The following KIAA1549 variants were observed in gnomAD, a reference collection of about 807,000 sequenced individuals.
KIAA1549 encodes UPF0606 protein KIAA1549.
Under a neutral mutation model 156.4 loss-of-function variants are expected in KIAA1549, and 70 were observed. The observed-to-expected ratio is 0.45, with a 90% CI of 0.37 to 0.55. KIAA1549 has a LOEUF of 0.55. Ranked by LOEUF, KIAA1549 falls within the 20% of genes least tolerant of loss-of-function variation. The probability of loss-of-function intolerance (pLI) is 0.00; values close to 1 mark genes in which losing one functional copy is unlikely to be tolerated. For missense variants in KIAA1549, 2,428 were observed against 2,540.9 expected, an observed-to-expected ratio of 0.96 and a Z score of 0.96; for synonymous variants, 1,103 against 1,066.4, an observed-to-expected ratio of 1.03 and a Z score of -0.67.
At chr7:138,891,111 T>A (rs901375154) in intron 10 of KIAA1549, among the ~76,000 whole-genome samples, 2 of 152,244 alleles carry the variant, frequency 1.3e-5, no homozygotes, top group Admixed American at 6.5e-5. Flanking sequence ...CCTGGATGTC[T>A]GCTTTCGGAT....
chr7:138,839,930 A>G (rs571884422), intron 19 of KIAA1549, among the ~76,000 whole-genome samples: 3 of 151,326 alleles, frequency 2.0e-5, no homozygotes, highest in East Asian at 2.0e-4. Context: ...TGGGACTACC[A>G]GCACCCGTCA....
At chr7:138,846,013 A>G (rs1304944651) in intron 17 of KIAA1549, among the ~76,000 whole-genome samples, 1 of 152,182 alleles carries the variant, frequency 6.6e-6, no homozygotes. Flanking sequence ...TCAAAATTCC[A>G]TATTCCACAG....
At chr7:138,852,170 T>A in intron 17 of KIAA1549, 53 bp downstream of exon 17, 1 of 1,347,586 alleles carries the variant, frequency 7.4e-7, no homozygotes, top group Non-Finnish European at 1.1e-6. Flanking sequence ...ATAAAGTTTT[T>A]AAAAACAGCC....
intron 12 of KIAA1549, among the ~76,000 whole-genome samples, chr7:138,878,874 C>T (rs1811165067): frequency 6.6e-6 from 1 of 151,994 alleles, no homozygotes; most frequent in African/African-American, 2.4e-5. Context: ...TGCAGTAGCA[C>T]ATCTATTTAA....
chr7:138,836,829 C>T lies in KIAA1549; in HGVS notation c.*1077G>A, dbSNP rs544438529. On this transcript the variant is annotated 3_prime_UTR_variant, in exon 20 of 20. Transcript: ENST00000422774. Reference sequence around the variant, plus strand: ...CATTACAGAGAGGCTGAACTGAACTCAATTTCATTTCCAGGCTCTGAACAC... The same window carrying T: ...CATTACAGAGAGGCTGAACTGAACTTAATTTCATTTCCAGGCTCTGAACAC... 8.9e-6 allele frequency: 2 copies of T among 225,478 alleles called. No individual in the cohort carries two copies. The highest frequency in any genetic ancestry group is 3.7e-4 in the South Asian group (2 of 5,468). The allele number at this position is 225,478 out of a possible 1,614,324, so 14.0% of individuals were successfully genotyped here.
chr7:138,861,060 G>A lies in KIAA1549; in HGVS notation c.5247+79C>T, dbSNP rs73729930. The A allele has an allele frequency of 3.6e-4, 517 of 1,427,312 alleles. 4 individuals carry two copies. In the African/African-American group the frequency reaches 6.3e-3, roughly 17 times the overall value. 88.4% of individuals were successfully genotyped at this position (1,427,312 alleles called of 1,614,324 possible). On this transcript the variant is annotated intron_variant, in intron 16 of 19. Coordinates refer to ENST00000422774, the MANE Select transcript of KIAA1549 (RefSeq NM_001164665.2). Reference sequence around the variant, plus strand: ...ATCAAATGCAACCACGGTTTTGTGCGGAGCCTGAAAGTCAGGCAGTCAGGC... The same window carrying A: ...ATCAAATGCAACCACGGTTTTGTGCAGAGCCTGAAAGTCAGGCAGTCAGGC...
At chr7:138,939,424 TCCC>T (rs1259570247) in intron 1 of KIAA1549, among the ~76,000 whole-genome samples, 1 of 152,142 alleles carries the variant, frequency 6.6e-6, no homozygotes, top group East Asian at 1.9e-4. Flanking sequence ...CCTCTTTTTT[TCCC>T]CCTTTTTAAA....
In KIAA1549 at chr7:138,861,356, T is replaced by TGGGGTGGGATGTACTGGG. The variant is rs780041594; in HGVS notation, c.5012_5029dup (p.Pro1676_Gln1677insProGlnTyrIleProPro). On this transcript the variant is annotated inframe_insertion, in exon 16 of 20. Transcript: ENST00000422774. ...CTGGCGTGCCTCCTCGATGGACGGC[T>TGGGGTGGGATGTACTGGG]GGGGTGGGATGTACTGGGAGGCCGG... 4.3e-6 allele frequency: 7 copies of TGGGGTGGGATGTACTGGG among 1,609,508 alleles called. No individual in the cohort carries two copies. Among genetic ancestry groups the TGGGGTGGGATGTACTGGG allele is most frequent in the Non-Finnish European group, 5.9e-6 (7 of 1,178,636 alleles).
At chr7:138,949,792 G>A (rs189009207) in intron 1 of KIAA1549, among the ~76,000 whole-genome samples, 6 of 152,292 alleles carry the variant, frequency 3.9e-5, no homozygotes, top group East Asian at 1.9e-4. Context: ...GCTATGACAC[G>A]CCAGACTCTC....
intron 1 of KIAA1549, among the ~76,000 whole-genome samples, chr7:138,957,459 CCTTCTTCTTCTTCTT>C (rs57229286): frequency 8.0e-6 from 1 of 125,174 alleles, no homozygotes; most frequent in African/African-American, 3.2e-5. Context: ...CCCTCCTTCT[CCTTCTTCTTCTTCTT>C]CTTCTTCCTC....
chr7:138,904,011 C>T (rs899960179), intron 7 of KIAA1549, among the ~76,000 whole-genome samples: 1 of 152,176 alleles, frequency 6.6e-6, no homozygotes, highest in Non-Finnish European at 1.5e-5. Flanking sequence ...TCAGTGTTAC[C>T]CAGACTGGCG....
intron 8 of KIAA1549, 84 bp from the exon 9 acceptor site, chr7:138,899,216 C>G: frequency 8.0e-7 from 1 of 1,253,648 alleles, no homozygotes; most frequent in East Asian, 2.3e-5. Flanking sequence ...CTGGCTGTGT[C>G]ACTCAGGATT....
intron 1 of KIAA1549, among the ~76,000 whole-genome samples, chr7:138,968,733 G>A (rs1187485984): frequency 6.6e-6 from 1 of 151,854 alleles, no homozygotes. Context: ...GGTGGCGGGC[G>A]CCTGTAGTCC....
rs946621131 is a variant in KIAA1549 at position 138,832,777 on chromosome 7, C to T, written c.*5129G>A. 13 of 222,042 alleles carry T rather than the reference C, an allele frequency of 5.9e-5. No individual in the cohort carries two copies. Among genetic ancestry groups the T allele is most frequent in the Middle Eastern group, 1.4e-3 (1 of 728 alleles). 13.8% of individuals were successfully genotyped at this position (222,042 alleles called of 1,614,324 possible). A position where few individuals can be genotyped will look rare whatever the true frequency, so the allele number is the denominator to read the frequency against. On this transcript the variant is annotated 3_prime_UTR_variant, in exon 20 of 20. Transcript: ENST00000422774. ...CACAAGCATGGACTTAGCAATGTACCATGATGTTGCGATTTCCAAGTCATC... is the reference window on the plus strand; with the variant it reads ...CACAAGCATGGACTTAGCAATGTACTATGATGTTGCGATTTCCAAGTCATC...
At chr7:138,907,319 A>G (rs901538925) in intron 5 of KIAA1549, among the ~76,000 whole-genome samples, 1 of 152,246 alleles carries the variant, frequency 6.6e-6, no homozygotes, top group Non-Finnish European at 1.5e-5. Context: ...AACTGAGCAC[A>G]TGTACAGCTC....
At chr7:138,946,998 C>T (rs1465909581) in intron 1 of KIAA1549, among the ~76,000 whole-genome samples, 1 of 152,118 alleles carries the variant, frequency 6.6e-6, no homozygotes, top group African/African-American at 2.4e-5. Flanking sequence ...CCCCCACTGC[C>T]AACGGGTGCA....
rs1812344964 is a variant in KIAA1549, at chr7:138,917,005, T to C, written c.2621A>G (p.Glu874Gly). Residue 874 changes from glutamate to glycine, a missense_variant, in exon 2 of 20, where the codon GAG becomes GGG. Glu to Gly is a moderately conservative substitution (Grantham distance 98, BLOSUM62 -2). Transcript: ENST00000422774. Reference sequence around the variant, plus strand: ...TTCCGTGGAGGTGTTCAGTGGCACCTCTGTGGGTGTGAGTGATGGGCCCAC... The same window carrying C: ...TTCCGTGGAGGTGTTCAGTGGCACCCCTGTGGGTGTGAGTGATGGGCCCAC... ...TVVGPSLTPT[E>G]VPLNTSTEVS... The C allele has an allele frequency of 6.2e-7, 1 of 1,601,638 alleles. No individual in the cohort carries two copies.
At position 138,941,835 on chromosome 7, in the gene KIAA1549, C is replaced by T. The variant is rs150035549; in HGVS notation, c.188-22397G>A. On this transcript the variant is annotated intron_variant, in intron 1 of 19. Coordinates refer to ENST00000422774, the MANE Select transcript of KIAA1549 (RefSeq NM_001164665.2). Reference sequence around the variant, plus strand: ...GGAAGCAGGAGACATCAGGGATAACCTTCAGGGACCAGTAAGATGAGGGAG... The same window carrying T: ...GGAAGCAGGAGACATCAGGGATAACTTTCAGGGACCAGTAAGATGAGGGAG... Among the ~76,000 whole-genome samples the T allele has an allele frequency of 1.9e-3, 282 of 152,278 alleles. 1 individual carries two copies. Among genetic ancestry groups the T allele is most frequent in the African/African-American group, 6.3e-3 (263 of 41,550 alleles).
rs111923397 is a variant in KIAA1549 at position 138,963,076 on chromosome 7, T to G, written c.187+18007A>C. The stretch of plus-strand genomic sequence containing the variant: ...CCGTATTTCTCTTAGTATCCCAACA[T>G]CCAGCACGGTGCTCAGCACATGGCA... On this transcript the variant is annotated intron_variant, in intron 1 of 19. Coordinates refer to ENST00000422774, the MANE Select transcript of KIAA1549 (RefSeq NM_001164665.2). Among the ~76,000 whole-genome samples, 888 of 152,312 alleles carry G rather than the reference T, an allele frequency of 5.8e-3. 15 individuals are homozygous for G. The highest frequency in any genetic ancestry group is 0.02 in the African/African-American group (838 of 41,562).
Sources: allele counts gnomAD v4.1 joint callset (sites outside exome capture counted in the v4.1 genomes callset), GRCh38; gene constraint gnomAD v4.1.1; transcripts MANE v1.5; gene names NCBI Gene and HGNC (gene_info 2026-07-23, HGNC 2026-07-21).